The following C3orf70 variants were observed in gnomAD, a reference collection of about 807,000 sequenced individuals.
C3orf70 encodes the protein UPF0524 protein C3orf70.
C3orf70 carries 15 observed loss-of-function variants against 20.7 expected under a neutral mutation model. The observed-to-expected ratio is 0.72, with a 90% CI of 0.48 to 1.11. C3orf70 has a LOEUF of 1.11. Ranked by LOEUF, C3orf70 falls within the 50% of genes most tolerant of loss-of-function variation. The probability of loss-of-function intolerance (pLI) is 0.00; values close to 1 mark genes in which losing one functional copy is unlikely to be tolerated. For missense variants in C3orf70, 332 were observed against 317.6 expected (o/e 1.05, Z -0.34); for synonymous variants, 161 against 125.7 (o/e 1.28, Z -1.88).
rs527868291 is a variant in C3orf70 at position 185,088,716 on chromosome 3, A to G, written c.197-5153T>C. Reference sequence around the variant, plus strand: ...ATAAAGTTACTATTTTTCTCTTTGTAAGATATTTTAGGACTGTGCAAATAT... The same window carrying G: ...ATAAAGTTACTATTTTTCTCTTTGTGAGATATTTTAGGACTGTGCAAATAT... On this transcript the variant is annotated intron_variant, in intron 1 of 1. Transcript: ENST00000335012. Among the ~76,000 whole-genome samples, 5 of 152,274 alleles carry G rather than the reference A, an allele frequency of 3.3e-5. No homozygotes were observed. In the South Asian group the frequency reaches 1.0e-3, roughly 32 times the overall value.
chr3:185,101,410 C>CATAGAT (rs59640405), intron 1 of C3orf70, among the ~76,000 whole-genome samples: 5,871 of 152,192 alleles, frequency 0.039, 335 homozygotes, highest in African/African-American at 0.13. Flanking sequence ...TGATTCATCA[C>CATAGAT]ATAACTAAAG....
At chr3:185,094,903 C>T (rs1715670247) in intron 1 of C3orf70, among the ~76,000 whole-genome samples, 3 of 152,092 alleles carry the variant, frequency 2.0e-5, no homozygotes, top group Admixed American at 6.6e-5. Flanking sequence ...AGAAAAAGGA[C>T]GGCTGCTGAC....
intron 1 of C3orf70, among the ~76,000 whole-genome samples, chr3:185,115,073 A>C (rs1389140930): frequency 2.0e-5 from 3 of 152,236 alleles, no homozygotes; most frequent in Admixed American, 6.5e-5. Context: ...GGTATTTTAC[A>C]AAATAATAAA....
At chr3:185,122,054 G>A (rs1183092020) in intron 1 of C3orf70, among the ~76,000 whole-genome samples, 3 of 149,308 alleles carry the variant, frequency 2.0e-5, no homozygotes, top group South Asian at 2.1e-4. Context: ...AACCGAGATC[G>A]TGCCACTGCC....
At chr3:185,106,909 C>T (rs1306753826) in intron 1 of C3orf70, among the ~76,000 whole-genome samples, 1 of 152,204 alleles carries the variant, frequency 6.6e-6, no homozygotes, top group Non-Finnish European at 1.5e-5. Flanking sequence ...ATTGTTACAT[C>T]TACTTCTGTT....
At chr3:185,140,686 C>T (rs1436891580) in intron 1 of C3orf70, among the ~76,000 whole-genome samples, 2 of 151,210 alleles carry the variant, frequency 1.3e-5, no homozygotes, top group Non-Finnish European at 1.5e-5. Context: ...CGGTGGCTCA[C>T]GCCTGGAATC....
rs1715592116 is a variant in C3orf70, at chr3:185,091,943, ATATATATATATATATATATAT to A, written c.197-8401_197-8381del. 4.4e-3 allele frequency among the ~76,000 whole-genome samples: 35 copies of A among 8,010 alleles called. 4 individuals are homozygous for A. The highest frequency in any genetic ancestry group is 0.013 in the African/African-American group (35 of 2,688). The allele number at this position is 8,010 out of a possible 152,430, so 5.3% of individuals were successfully genotyped here. ...TATATATATATATATATATATATAT[ATATATATATATATATATATAT>A]TTTTTTTTTTTTTTAGTAGAGACAG... On this transcript the variant is annotated intron_variant, in intron 1 of 1. Transcript: ENST00000335012.
At chr3:185,111,748 A>C (rs759664951) in intron 1 of C3orf70, among the ~76,000 whole-genome samples, 1 of 152,180 alleles carries the variant, frequency 6.6e-6, no homozygotes, top group Non-Finnish European at 1.5e-5. Flanking sequence ...GGACTAGGAG[A>C]GGGTTCTCTT....
At chr3:185,124,763 G>A (rs1282975927) in intron 1 of C3orf70, among the ~76,000 whole-genome samples, 4 of 152,070 alleles carry the variant, frequency 2.6e-5, no homozygotes, top group Non-Finnish European at 1.5e-5. Context: ...GAAAATATTT[G>A]CAAACATATG....
In C3orf70 at chr3:185,079,306, T is replaced by TAAAAAAAAAAAAAAAAAAAAA. The variant is rs1321535800; in HGVS notation, c.*3700_*3701insTTTTTTTTTTTTTTTTTTTTT. ...AAAAAAAAAAAAAAAAAAAAAAAAG[T>TAAAAAAAAAAAAAAAAAAAAA]AAAGCCACCACTCCCAAGATAGAAT... On this transcript the variant is annotated 3_prime_UTR_variant, in exon 2 of 2. Coordinates refer to ENST00000335012, the MANE Select transcript of C3orf70 (RefSeq NM_001025266.3). The TAAAAAAAAAAAAAAAAAAAAA allele has an allele frequency of 4.1e-5, 5 of 122,806 alleles. No individual in the cohort carries two copies. Among genetic ancestry groups the TAAAAAAAAAAAAAAAAAAAAA allele is most frequent in the Non-Finnish European group, 5.0e-5 (3 of 59,566 alleles). The allele number at this position is 122,806 out of a possible 1,614,324, so 7.6% of individuals were successfully genotyped here. A position where few individuals can be genotyped will look rare whatever the true frequency, so the allele number is the denominator to read the frequency against.
chr3:185,097,111 CTT>C (rs1050893917), intron 1 of C3orf70, among the ~76,000 whole-genome samples: 5 of 152,094 alleles, frequency 3.3e-5, no homozygotes, highest in Admixed American at 6.5e-5. Context: ...GTTTCCATCT[CTT>C]GTTTGGTCTT....
chr3:185,079,072 G>C lies in C3orf70; in HGVS notation c.*3935C>G, dbSNP rs530188311. ...CGAGGAGGGTGGATCACGAGGTCAT[G>C]AGATCAAGACCATCCTGGCTAACAC... On this transcript the variant is annotated 3_prime_UTR_variant, in exon 2 of 2. Coordinates refer to ENST00000335012, the MANE Select transcript of C3orf70 (RefSeq NM_001025266.3). The C allele has an allele frequency of 2.2e-4, 34 of 152,192 alleles. No individual in the cohort carries two copies. The highest frequency in any genetic ancestry group is 7.7e-4 in the African/African-American group (32 of 41,502). 9.4% of individuals were successfully genotyped at this position (152,192 alleles called of 1,614,324 possible).
chr3:185,131,486 T>C (rs1716521887), intron 1 of C3orf70, among the ~76,000 whole-genome samples: 1 of 152,242 alleles, frequency 6.6e-6, no homozygotes, highest in African/African-American at 2.4e-5. Flanking sequence ...TACATGTATT[T>C]ATATTCCATG....
At chr3:185,109,410 C>A (rs1341373301) in intron 1 of C3orf70, among the ~76,000 whole-genome samples, 6 of 152,170 alleles carry the variant, frequency 3.9e-5, no homozygotes, top group Admixed American at 3.9e-4. Flanking sequence ...TTATCATGAG[C>A]CAGATGCCGA....
intron 1 of C3orf70, among the ~76,000 whole-genome samples, chr3:185,135,755 C>G (rs931659623): frequency 1.2e-4 from 18 of 151,814 alleles, no homozygotes; most frequent in Admixed American, 1.2e-3. Context: ...CACATGTATC[C>G]CATAAATATA....
At chr3:185,131,451 T>C (rs1016046) in intron 1 of C3orf70, among the ~76,000 whole-genome samples, 11,064 of 152,246 alleles carry the variant, frequency 0.073, 464 homozygotes, top group South Asian at 0.11. Context: ...ATATTTATTG[T>C]CTCTTATTTT....
chr3:185,105,662 A>G (rs1715918432), intron 1 of C3orf70, among the ~76,000 whole-genome samples: 1 of 152,134 alleles, frequency 6.6e-6, no homozygotes. Flanking sequence ...TGTGTTTTTA[A>G]TTCCTCTAGT....
chr3:185,091,240 TAGA>T (rs1180661139), intron 1 of C3orf70, among the ~76,000 whole-genome samples: 1 of 152,050 alleles, frequency 6.6e-6, no homozygotes, highest in East Asian at 1.9e-4. Flanking sequence ...ATATGGATAT[TAGA>T]AGACAGAGAC....
chr3:185,100,615 A>C (rs552100799), intron 1 of C3orf70, among the ~76,000 whole-genome samples: 1 of 152,258 alleles, frequency 6.6e-6, no homozygotes, highest in East Asian at 1.9e-4. Flanking sequence ...AAAACCTAAC[A>C]TCACAACTAA....
Sources: gnomAD v4.1 joint callset for allele counts (sites outside exome capture counted in the v4.1 genomes callset) on GRCh38, gnomAD v4.1.1 for gene constraint, MANE v1.5 for transcripts, NCBI Gene and HGNC (gene_info 2026-07-23, HGNC 2026-07-21) for gene names.